WDR70: variants seen among roughly 807,000 people sequenced by gnomAD.
WDR70 encodes WD repeat-containing protein 70.
A neutral mutation model predicts 88.6 loss-of-function variants in WDR70; 53 were observed. The observed-to-expected ratio is 0.60, with a 90% CI of 0.48 to 0.75. The LOEUF is 0.75. WDR70 is among the 30% of genes least tolerant of loss of function. The pLI, the probability that WDR70 is intolerant of heterozygous loss-of-function variation, is 0.00. For synonymous variants in WDR70, 280 were observed against 270.0 expected (o/e 1.04, Z -0.36); for missense variants, 610 against 823.2 (o/e 0.74, Z 3.17).
At chr5:37,506,046 T>C in intron 8 of WDR70, 2 of 1,391,492 alleles carry the variant, frequency 1.4e-6, no homozygotes, top group Non-Finnish European at 2.0e-6. Context: ...ATTTGCACAG[T>C]CAAGCACTGA....
chr5:37,679,832 C>G (rs1340663746), intron 10 of WDR70, among the ~76,000 whole-genome samples: 7 of 152,240 alleles, frequency 4.6e-5, no homozygotes, highest in Admixed American at 3.9e-4. Context: ...GCCCTGCCCC[C>G]AGAGGTGGAG....
chr5:37,650,360 T>C (rs1452638945), intron 10 of WDR70, among the ~76,000 whole-genome samples: 1 of 151,678 alleles, frequency 6.6e-6, no homozygotes, highest in African/African-American at 2.4e-5. Context: ...GAGATCACGC[T>C]ACTGCACTCC....
chr5:37,572,201 A>G (rs1384963005), intron 9 of WDR70, among the ~76,000 whole-genome samples: 4 of 152,106 alleles, frequency 2.6e-5, no homozygotes, highest in Non-Finnish European at 2.9e-5. Flanking sequence ...CAGGCACAAA[A>G]CGAGGTAGTT....
intron 5 of WDR70, among the ~76,000 whole-genome samples, chr5:37,434,516 C>T (rs1750411192): frequency 6.6e-6 from 1 of 152,154 alleles, no homozygotes; most frequent in South Asian, 2.1e-4. Flanking sequence ...TCCCCCAGCA[C>T]CCAGCAACTT....
chr5:37,744,088 C>T (rs1352473453), intron 17 of WDR70, among the ~76,000 whole-genome samples: 1 of 152,176 alleles, frequency 6.6e-6, no homozygotes, highest in Non-Finnish European at 1.5e-5. Context: ...GGCTGCCCTC[C>T]AGCCTCCTTG....
At chr5:37,686,507 C>A (rs1442452369) in intron 10 of WDR70, among the ~76,000 whole-genome samples, 1 of 151,140 alleles carries the variant, frequency 6.6e-6, no homozygotes, top group African/African-American at 2.4e-5. Context: ...GCGGGAAGAT[C>A]GCTTGAGCCC....
At chr5:37,628,029 A>T (rs1034526296) in intron 10 of WDR70, among the ~76,000 whole-genome samples, 1 of 152,164 alleles carries the variant, frequency 6.6e-6, no homozygotes, top group Non-Finnish European at 1.5e-5. Context: ...GGCTCAAACG[A>T]TACTCCTTCC....
chr5:37,679,711 C>T (rs372412855), intron 10 of WDR70, among the ~76,000 whole-genome samples: 1 of 152,220 alleles, frequency 6.6e-6, no homozygotes, highest in Non-Finnish European at 1.5e-5. Flanking sequence ...AGGCAGTCTG[C>T]CCGTTCTCAG....
At chr5:37,383,796 G>A (rs1252204405) in intron 3 of WDR70, among the ~76,000 whole-genome samples, 1 of 150,664 alleles carries the variant, frequency 6.6e-6, no homozygotes, top group Non-Finnish European at 1.5e-5. Context: ...TGTTAGGCAG[G>A]ATGGTCTCGA....
intron 7 of WDR70, among the ~76,000 whole-genome samples, chr5:37,469,804 T>C (rs1179899080): frequency 6.6e-6 from 1 of 152,176 alleles, no homozygotes; most frequent in Non-Finnish European, 1.5e-5. Flanking sequence ...TTAACAAATC[T>C]CTAAGTAAAT....
chr5:37,514,763 T>A (rs1284654705), intron 8 of WDR70, among the ~76,000 whole-genome samples: 1 of 152,202 alleles, frequency 6.6e-6, no homozygotes, highest in East Asian at 1.9e-4. Context: ...ACTCCTGTAA[T>A]CCCAGCACTT....
chr5:37,735,298 G>A (rs1748270057), intron 17 of WDR70, among the ~76,000 whole-genome samples: 1 of 152,112 alleles, frequency 6.6e-6, no homozygotes, highest in Non-Finnish European at 1.5e-5. Context: ...CTGCATTAGA[G>A]ATGATTCAGT....
At chr5:37,590,021 T>C (rs1030490863) in intron 9 of WDR70, among the ~76,000 whole-genome samples, 6 of 152,162 alleles carry the variant, frequency 3.9e-5, no homozygotes, top group African/African-American at 1.2e-4. Flanking sequence ...TGGCATATGT[T>C]TTAAATTAGG....
At chr5:37,566,451 C>T (rs1004272744) in intron 9 of WDR70, among the ~76,000 whole-genome samples, 1 of 151,828 alleles carries the variant, frequency 6.6e-6, no homozygotes, top group African/African-American at 2.4e-5. Context: ...ACCCCCAAAT[C>T]AGGACAAATA....
In WDR70 at chr5:37,720,035, C is replaced by T. The variant is rs538392100; in HGVS notation, c.1417-1080C>T. On this transcript the variant is annotated intron_variant, in intron 13 of 17. Transcript: ENST00000265107. ...GAATCAATGTTCTATCAAAAAGGAT[C>T]TGAGAGATTTCAAGATATTCTGTCT... Among the ~76,000 whole-genome samples the T allele has an allele frequency of 2.0e-5, 3 of 152,024 alleles. No individual in the cohort carries two copies. The South Asian group carries it at 6.3e-4, about 32-fold the overall frequency.
intron 17 of WDR70, among the ~76,000 whole-genome samples, chr5:37,730,450 CTT>C (rs58801631): frequency 6.6e-6 from 1 of 151,566 alleles, no homozygotes; most frequent in African/African-American, 2.4e-5. Flanking sequence ...TATTGATTTG[CTT>C]TTTTTTTGGC....
At chr5:37,422,521 A>G (rs548063473) in intron 5 of WDR70, among the ~76,000 whole-genome samples, 1 of 152,072 alleles carries the variant, frequency 6.6e-6, no homozygotes, top group East Asian at 1.9e-4. Flanking sequence ...TCTGTCACCC[A>G]GGCTGGAGTG....
At chr5:37,620,175 A>T (rs1157070965) in intron 10 of WDR70, 2 of 152,004 alleles carry the variant, frequency 1.3e-5, no homozygotes, top group African/African-American at 2.4e-5. Flanking sequence ...CTTAATTCAG[A>T]TATAATTTTA....
intron 7 of WDR70, among the ~76,000 whole-genome samples, chr5:37,466,353 T>C (rs1196297355): frequency 1.3e-5 from 2 of 152,268 alleles, no homozygotes; most frequent in African/African-American, 4.8e-5. Flanking sequence ...TTTCATATTG[T>C]CTACAGCTGT....
Sources: gnomAD v4.1 joint callset for allele counts (sites outside exome capture counted in the v4.1 genomes callset) on GRCh38, gnomAD v4.1.1 for gene constraint, MANE v1.5 for transcripts, NCBI Gene and HGNC (gene_info 2026-07-23, HGNC 2026-07-21) for gene names.